The following SLC43A2 variants were observed in gnomAD, a reference collection of about 807,000 sequenced individuals.
SLC43A2 encodes solute carrier family 43 member 2.
In SLC43A2, 38 loss-of-function variants were observed where a neutral mutation model predicts 63.2. The observed-to-expected ratio is 0.60, with a 90% CI of 0.46 to 0.79. SLC43A2 has a LOEUF of 0.79. SLC43A2 is among the 30% of genes least tolerant of loss of function. The pLI is 0.00. For missense variants in SLC43A2, 644 were observed against 756.2 expected (o/e 0.85, Z 1.74); for synonymous variants, 322 against 331.0 (o/e 0.97, Z 0.30).
intron 11 of SLC43A2, among the ~76,000 whole-genome samples, chr17:1,581,913 C>A (rs929681928): frequency 6.6e-6 from 1 of 150,384 alleles, no homozygotes; most frequent in Non-Finnish European, 1.5e-5. Context: ...TCAAGCAATT[C>A]TCCTGCCTCA....
At chr17:1,628,490 G>C (rs1474664252) in intron 1 of SLC43A2, 1 of 151,538 alleles carries the variant, frequency 6.6e-6, no homozygotes, top group Non-Finnish European at 1.5e-5. Flanking sequence ...CGCCGTCTAG[G>C]TCGCTAGGCG....
At chr17:1,599,904 C>T (rs569312901) in intron 5 of SLC43A2, among the ~76,000 whole-genome samples, 128 of 148,892 alleles carry the variant, frequency 8.6e-4, no homozygotes, top group African/African-American at 3.0e-3. Context: ...ATTAGCTGGG[C>T]GTGGTGGCGG....
At chr17:1,627,652 A>AAACCCCCCCCCCCCCAAACCCCCCCC in intron 2 of SLC43A2, 63 bp downstream of exon 2, 1 of 227,124 alleles carries the variant, frequency 4.4e-6, no homozygotes, top group East Asian at 1.4e-4. Flanking sequence ...CTTCGCCCCC[A>AAACCCCCCCCCCCCCAAACCCCCCCC]TCCCGCCCCC....
chr17:1,627,652 A>AAACCCCCCCCCCCCCAAACCCCCCCCC, intron 2 of SLC43A2, 63 bp downstream of exon 2: 1 of 227,124 alleles, frequency 4.4e-6, no homozygotes, highest in Non-Finnish European at 8.5e-6. Context: ...CTTCGCCCCC[A>AAACCCCCCCCCCCCCAAACCCCCCCCC]TCCCGCCCCC....
At position 1,616,446 on chromosome 17, in the gene SLC43A2, T is replaced by C; in HGVS notation, c.368+116A>G. On this transcript the variant is annotated intron_variant, in intron 3 of 13. Coordinates refer to ENST00000301335, the MANE Select transcript of SLC43A2 (RefSeq NM_152346.3). ...GTAGGAACTCCATTCTGGAGGGCCT[T>C]CAGGGAGCTCCACAGTACACCTGAT... 6.8e-6 allele frequency: 7 copies of C among 1,035,530 alleles called. No individual in the cohort carries two copies. In the South Asian group the frequency reaches 1.1e-4, roughly 17 times the overall value. The allele number at this position is 1,035,530 out of a possible 1,614,324, so 64.1% of individuals were successfully genotyped here. A position where few individuals can be genotyped will look rare whatever the true frequency, so the allele number is the denominator to read the frequency against.
At chr17:1,600,397 C>A (rs1015592384) in intron 5 of SLC43A2, among the ~76,000 whole-genome samples, 1 of 149,622 alleles carries the variant, frequency 6.7e-6, no homozygotes, top group African/African-American at 2.5e-5. Context: ...GTGATCCGCC[C>A]GCCTCAGCCT....
intron 5 of SLC43A2, among the ~76,000 whole-genome samples, chr17:1,599,960 C>T (rs1166571376): frequency 1.6e-4 from 23 of 147,204 alleles, no homozygotes; most frequent in Non-Finnish European, 2.7e-4. Context: ...GGGAGAATGG[C>T]GTGAACCTGG....
chr17:1,586,859 C>A (rs1273704195), intron 9 of SLC43A2: 9 of 1,422,700 alleles, frequency 6.3e-6, no homozygotes, highest in Non-Finnish European at 8.5e-6. Context: ...ATGTCTGGAG[C>A]TTGAGGTGAG....
intron 3 of SLC43A2, among the ~76,000 whole-genome samples, chr17:1,615,760 G>A (rs887672713): frequency 6.1e-5 from 9 of 148,078 alleles, no homozygotes; most frequent in African/African-American, 1.5e-4. Flanking sequence ...GGAGAATAGC[G>A]TGAACCCGGG....
rs149764680 is a variant in SLC43A2 at position 1,584,689 on chromosome 17, G to A, written c.1217+1224C>T. On this transcript the variant is annotated intron_variant, in intron 10 of 13. Transcript: ENST00000301335. ...AAAAAAATTAGCCGGGCGTGGTGGC[G>A]GGCGCCTGTAGTCCCAGATACTTGG... Among the ~76,000 whole-genome samples the A allele has an allele frequency of 6.9e-3, 1,043 of 151,376 alleles. 12 individuals are homozygous for A. Among genetic ancestry groups the A allele is most frequent in the East Asian group, 0.055 (277 of 5,080 alleles).
chr17:1,586,932 C>CCCCCCCCCCCCCCCCCCGG, intron 9 of SLC43A2: 1 of 1,330,042 alleles, frequency 7.5e-7, no homozygotes, highest in Non-Finnish European at 1.0e-6. Context: ...TGACAATCCC[C>CCCCCCCCCCCCCCCCCCGG]CCCACCCCCC....
chr17:1,613,184 T>C lies in SLC43A2; in HGVS notation c.501+11A>G. ...TACTGAACTACAGAGCTTTAAAAAA[T>C]CTGTACTCACTGTTAATGAGGTGAA... On this transcript the variant is annotated intron_variant, in intron 5 of 13. Coordinates refer to ENST00000301335, the MANE Select transcript of SLC43A2 (RefSeq NM_152346.3). 1 of 1,609,226 alleles carries C rather than the reference T, an allele frequency of 6.2e-7. No individual in the cohort carries two copies. Among genetic ancestry groups the C allele is most frequent in the Non-Finnish European group, 8.5e-7 (1 of 1,175,910 alleles).
rs963257759 is a variant in SLC43A2 at position 1,577,096 on chromosome 17, C to A, written c.1425-376G>T. 1.3e-5 allele frequency among the ~76,000 whole-genome samples: 2 copies of A among 152,126 alleles called. No homozygotes were observed. Among genetic ancestry groups the A allele is most frequent in the Non-Finnish European group, 2.9e-5 (2 of 68,022 alleles). Reference sequence around the variant, plus strand: ...GGCCAGGCTGGTCTCAAACTCCTGACCTTGTGATCTGCCTGCCTCGGCCTC... The same window carrying A: ...GGCCAGGCTGGTCTCAAACTCCTGAACTTGTGATCTGCCTGCCTCGGCCTC... On this transcript the variant is annotated intron_variant, in intron 12 of 13. Coordinates refer to ENST00000301335, the MANE Select transcript of SLC43A2 (RefSeq NM_152346.3). This position sits in a 1 kb window ranked among gnomAD's most constrained non-coding sequence, Gnocchi z 4.9.
At chr17:1,628,616 C>T (rs1033871164) in intron 1 of SLC43A2, among the ~76,000 whole-genome samples, 178 bp downstream of exon 1, 2 of 152,178 alleles carry the variant, frequency 1.3e-5, no homozygotes, top group African/African-American at 4.8e-5. Flanking sequence ...GTTTCCATGG[C>T]CTCGGACCCC....
chr17:1,602,244 C>T lies in SLC43A2; in HGVS notation c.502-8965G>A, dbSNP rs188011517. Reference sequence around the variant, plus strand: ...CTGGTCTTGAACTCCTGGATTCCAGCGATCCTTCCACCTTGGCTTCCCAAA... The same window carrying T: ...CTGGTCTTGAACTCCTGGATTCCAGTGATCCTTCCACCTTGGCTTCCCAAA... On this transcript the variant is annotated intron_variant, in intron 5 of 13. Coordinates refer to ENST00000301335, the MANE Select transcript of SLC43A2 (RefSeq NM_152346.3). Among the ~76,000 whole-genome samples, 5 of 152,258 alleles carry T rather than the reference C, an allele frequency of 3.3e-5. No individual in the cohort carries two copies. The East Asian group carries it at 9.6e-4, about 29-fold the overall frequency.
chr17:1,581,202 C>CCACACACACACACAAA (rs2076007438), intron 11 of SLC43A2, among the ~76,000 whole-genome samples: 1 of 148,364 alleles, frequency 6.7e-6, no homozygotes, highest in African/African-American at 2.5e-5. Context: ...TGCCCAGTGC[C>CCACACACACACACAAA]CACACACACA....
chr17:1,589,467 T>C (rs535220395), intron 9 of SLC43A2, among the ~76,000 whole-genome samples: 1 of 152,068 alleles, frequency 6.6e-6, no homozygotes, highest in Non-Finnish European at 1.5e-5. Flanking sequence ...TAGCTGGGTG[T>C]GGTGGCGCGC....
At position 1,605,355 on chromosome 17, in the gene SLC43A2, C is replaced by G. The variant is rs1384958352; in HGVS notation, c.501+7840G>C. ...CATTCTGGCCATAGAGCATGACCAC[C>G]GGACAGGAGTGCCTGCAGGGCCAAG... is the stretch of plus-strand genomic sequence containing the variant. On this transcript the variant is annotated intron_variant, in intron 5 of 13. Coordinates refer to ENST00000301335, the MANE Select transcript of SLC43A2 (RefSeq NM_152346.3). This position sits in a 1 kb window ranked among gnomAD's most constrained non-coding sequence, Gnocchi z 4.9. 1 of 446,816 alleles carries G rather than the reference C, an allele frequency of 2.2e-6. No homozygotes were observed. Among genetic ancestry groups the G allele is most frequent in the South Asian group, 7.5e-5 (1 of 13,344 alleles). The allele number at this position is 446,816 out of a possible 1,614,324, so 27.7% of individuals were successfully genotyped here.
chr17:1,571,637 A>G lies in SLC43A2; in HGVS notation c.*3967T>C, dbSNP rs1160571276. On this transcript the variant is annotated 3_prime_UTR_variant, in exon 14 of 14. Transcript: ENST00000301335. This position sits in a 1 kb window ranked among gnomAD's most constrained non-coding sequence, Gnocchi z 5.2. ...CAAAGTGACGCCCCCCTCGGAGTGC[A>G]CGGCAGGCAAGGAAGGTTTAAACGG... is the stretch of plus-strand genomic sequence containing the variant. 1 of 152,408 alleles carries G rather than the reference A, an allele frequency of 6.6e-6. No individual in the cohort carries two copies. Among genetic ancestry groups the G allele is most frequent in the Admixed American group, 6.5e-5 (1 of 15,270 alleles). The allele number at this position is 152,408 out of a possible 1,614,324, so 9.4% of individuals were successfully genotyped here. A position where few individuals can be genotyped will look rare whatever the true frequency, so the allele number is the denominator to read the frequency against.
Sources: gnomAD v4.1 joint callset for allele counts (sites outside exome capture counted in the v4.1 genomes callset) on GRCh38, gnomAD v4.1.1 for gene constraint, Gnocchi (gnomAD v3.1) non-coding constraint, MANE v1.5 for transcripts, NCBI Gene and HGNC (gene_info 2026-07-23, HGNC 2026-07-21) for gene names.